PCDHA11: variants seen among roughly 807,000 people sequenced by gnomAD.
PCDHA11 encodes the protein protocadherin alpha 11.
In PCDHA11, 61 loss-of-function variants were observed where a neutral mutation model predicts 70.3. The observed-to-expected ratio is 0.87, with a 90% CI of 0.71 to 1.07. The LOEUF is 1.07. Among genes scored for constraint, PCDHA11 ranks in the 50% least tolerant of loss-of-function variants. The probability of loss-of-function intolerance (pLI) is 0.00; values close to 1 mark genes in which losing one functional copy is unlikely to be tolerated. For synonymous variants in PCDHA11, 633 were observed against 555.1 expected (o/e 1.14, Z -1.97); for missense variants, 1,324 against 1,237.5 (o/e 1.07, Z -1.05).
At chr5:140,902,953 C>T (rs549407032) in intron 1 of PCDHA11, among the ~76,000 whole-genome samples, 24 of 152,278 alleles carry the variant, frequency 1.6e-4, no homozygotes, top group East Asian at 1.3e-3. Flanking sequence ...TCTTTATCCA[C>T]TTGTTGGCTG....
At chr5:140,963,068 G>C (rs1472395054) in intron 1 of PCDHA11, among the ~76,000 whole-genome samples, 3 of 152,064 alleles carry the variant, frequency 2.0e-5, no homozygotes, top group African/African-American at 7.2e-5. Context: ...CATTGTGAAG[G>C]AGACAGAAAT....
chr5:140,896,008 T>C (rs1231092307), intron 1 of PCDHA11, among the ~76,000 whole-genome samples: 4 of 152,082 alleles, frequency 2.6e-5, no homozygotes, highest in Non-Finnish European at 4.4e-5. Flanking sequence ...ACAGGGTTTC[T>C]CCATGTTGGC....
rs2098417657 is a variant in PCDHA11, at chr5:141,010,566, C to T, written c.*629C>T. 3.4e-6 allele frequency: 1 copy of T among 290,180 alleles called. No individual in the cohort carries two copies. The highest frequency in any genetic ancestry group is 6.5e-6 in the Non-Finnish European group (1 of 154,226). The allele number at this position is 290,180 out of a possible 1,614,324, so 18.0% of individuals were successfully genotyped here. ...GACAAAACTACCCCCACTGACAAGG[C>T]TTTAGGAGACCCTAAAGTCTGTTGG... On this transcript the variant is annotated 3_prime_UTR_variant, in exon 4 of 4. Coordinates refer to ENST00000398640, the MANE Select transcript of PCDHA11 (RefSeq NM_018902.5).
At chr5:140,946,452 T>C (rs2093945325) in intron 1 of PCDHA11, among the ~76,000 whole-genome samples, 1 of 151,436 alleles carries the variant, frequency 6.6e-6, no homozygotes. Flanking sequence ...AAAACAACTA[T>C]CCAGCAATCC....
At chr5:140,969,556 C>A in intron 1 of PCDHA11, 1 of 1,210,690 alleles carries the variant, frequency 8.3e-7, no homozygotes, top group Non-Finnish European at 1.1e-6. Flanking sequence ...AAGCCTTGTC[C>A]ATAAAATTGT....
At chr5:140,963,957 A>T (rs1585999636) in intron 1 of PCDHA11, among the ~76,000 whole-genome samples, 1 of 152,230 alleles carries the variant, frequency 6.6e-6, no homozygotes. Flanking sequence ...CACTGGCAGG[A>T]GTGTGACTGA....
intron 1 of PCDHA11, among the ~76,000 whole-genome samples, chr5:140,939,948 A>C (rs2153644220): frequency 6.6e-6 from 1 of 152,296 alleles, no homozygotes; most frequent in Admixed American, 6.5e-5. Context: ...TACTGAGAAA[A>C]TTATGTTAAA....
chr5:140,941,281 C>A (rs12652617), intron 1 of PCDHA11, among the ~76,000 whole-genome samples: 1 of 69,002 alleles, frequency 1.4e-5, no homozygotes, highest in Non-Finnish European at 3.2e-5. Context: ...TTCCTTCCTT[C>A]CTTTCTCTTT....
At chr5:140,929,508 A>T in intron 1 of PCDHA11, 1 of 831,408 alleles carries the variant, frequency 1.2e-6, no homozygotes, top group Non-Finnish European at 1.7e-6. Context: ...CCTAGGCCTC[A>T]AGGGACTTAT....
intron 1 of PCDHA11, chr5:140,875,402 C>A: frequency 6.7e-7 from 1 of 1,488,874 alleles, no homozygotes; most frequent in Admixed American, 2.6e-5. Flanking sequence ...AGGGTGACTG[C>A]TCATAAAATA....
intron 1 of PCDHA11, chr5:140,966,920 C>A: frequency 6.2e-7 from 1 of 1,602,672 alleles, no homozygotes; most frequent in South Asian, 1.1e-5. Flanking sequence ...GCCAGAGGAG[C>A]AGGCACCCGG....
chr5:140,869,216 A>C lies in PCDHA11; in HGVS notation c.113A>C (p.Glu38Ala). ...CAGCTCCACTACTCCGTCTCGGAGG[A>C]GGCCAAACACGGCACCTTCGTGGGC... ...SGQLHYSVSE[E>A]AKHGTFVGRI... Residue 38 changes from glutamate (E) to alanine (A), a missense_variant, in exon 1 of 4, where the codon GAG becomes GCG. Coordinates refer to ENST00000398640, the MANE Select transcript of PCDHA11 (RefSeq NM_018902.5). The C allele has an allele frequency of 6.2e-7, 1 of 1,613,836 alleles. No homozygotes were observed. The highest frequency in any genetic ancestry group is 1.1e-5 in the South Asian group (1 of 91,060).
At chr5:140,938,218 T>A (rs1050033125) in intron 1 of PCDHA11, among the ~76,000 whole-genome samples, 3 of 152,210 alleles carry the variant, frequency 2.0e-5, no homozygotes, top group Admixed American at 2.0e-4. Context: ...AGTGCTGGGA[T>A]TACAGGCATA....
chr5:140,919,867 G>A (rs2079334985), intron 1 of PCDHA11, among the ~76,000 whole-genome samples: 1 of 152,178 alleles, frequency 6.6e-6, no homozygotes, highest in Non-Finnish European at 1.5e-5. Context: ...TTGGAAATAA[G>A]TCTTTGAAGA....
In PCDHA11 at chr5:140,876,716, G is replaced by T. The variant is rs374218090; in HGVS notation, c.2391+5222G>T. The T allele has an allele frequency of 9.3e-6, 15 of 1,614,132 alleles. No individual in the cohort carries two copies. The African/African-American group carries it at 1.2e-4, about 13-fold the overall frequency. ...TTGGTGCTGGACAGCGCCCTGGACC[G>T]CGAGAGCGTGTCGGCCTATGAGCTG... On this transcript the variant is annotated intron_variant, in intron 1 of 3. Coordinates refer to ENST00000398640, the MANE Select transcript of PCDHA11 (RefSeq NM_018902.5).
Position 140,936,735 on chromosome 5 carries a change from A to G in PCDHA11, c.2392-42214A>G, listed in dbSNP as rs75635765. 5.4e-3 allele frequency among the ~76,000 whole-genome samples: 829 copies of G among 152,226 alleles called. 3 individuals carry two copies. The highest frequency in any genetic ancestry group is 0.019 in the African/African-American group (798 of 41,528). ...AATACATTCTGTGTTAAATATAGTA[A>G]CTTTTCATTTGTATTGATATCTAAT... On this transcript the variant is annotated intron_variant, in intron 1 of 3. Coordinates refer to ENST00000398640, the MANE Select transcript of PCDHA11 (RefSeq NM_018902.5).
At chr5:140,928,122 A>C in intron 1 of PCDHA11, 1 of 1,614,196 alleles carries the variant, frequency 6.2e-7, no homozygotes, top group Non-Finnish European at 8.5e-7. Context: ...AGATCAGTGA[A>C]TACCAAGTCC....
chr5:140,926,659 C>T, intron 1 of PCDHA11: 1 of 531,904 alleles, frequency 1.9e-6, no homozygotes, highest in Non-Finnish European at 3.0e-6. Context: ...CTCCGCTTTC[C>T]CAGACGGCTG....
intron 1 of PCDHA11, among the ~76,000 whole-genome samples, chr5:140,931,298 AAG>A (rs2087432571): frequency 6.6e-6 from 1 of 152,144 alleles, no homozygotes; most frequent in African/African-American, 2.4e-5. Context: ...CTGTAACAAA[AAG>A]AGAGGAGAAT....
Sources: gnomAD v4.1 joint callset for allele counts (sites outside exome capture counted in the v4.1 genomes callset) on GRCh38, gnomAD v4.1.1 for gene constraint, MANE v1.5 for transcripts, NCBI Gene and HGNC (gene_info 2026-07-23, HGNC 2026-07-21) for gene names.